The following C2orf92 variants were observed in gnomAD, a reference collection of about 807,000 sequenced individuals.
C2orf92 encodes the protein chromosome 2 open reading frame 92.
chr2:97,701,474 T>C (rs999057143), intron 7 of C2orf92, among the ~76,000 whole-genome samples, 170 bp downstream of exon 7: 5 of 152,154 alleles, frequency 3.3e-5, no homozygotes, highest in Non-Finnish European at 7.4e-5. Context: ...ACCTGGGCCA[T>C]GGGTTTTCGG....
At chr2:97,690,695 T>G (rs1676103982) in intron 5 of C2orf92, among the ~76,000 whole-genome samples, 1 of 148,786 alleles carries the variant, frequency 6.7e-6, no homozygotes, top group Admixed American at 6.7e-5. Context: ...CTTTTCCTTT[T>G]ACCTGACCTG....
chr2:97,700,129 C>T (rs1172827554), intron 6 of C2orf92, among the ~76,000 whole-genome samples: 1 of 152,194 alleles, frequency 6.6e-6, no homozygotes, highest in South Asian at 2.1e-4. Context: ...ACACTAATGT[C>T]GGCTGAGATC....
chr2:97,698,985 G>A, intron 5 of C2orf92, 41 bp from the exon 6 acceptor site: 1 of 398,146 alleles, frequency 2.5e-6, no homozygotes, highest in Non-Finnish European at 4.4e-6. Context: ...CTAATCACAT[G>A]CCATGGTTGT....
At chr2:97,673,398 C>T (rs1192993671) in intron 1 of C2orf92, among the ~76,000 whole-genome samples, 1 of 152,154 alleles carries the variant, frequency 6.6e-6, no homozygotes, top group Non-Finnish European at 1.5e-5. Flanking sequence ...ATGCTTGTAG[C>T]TCATGAGCTA....
At chr2:97,685,249 T>C (rs542262074) in intron 3 of C2orf92, among the ~76,000 whole-genome samples, 11 of 150,242 alleles carry the variant, frequency 7.3e-5, no homozygotes, top group Admixed American at 4.6e-4. Flanking sequence ...ATTTTGGTTT[T>C]TTTCTTTCTT....
At chr2:97,665,388 C>G (rs1188912631), upstream of C2orf92, among the ~76,000 whole-genome samples, 1 of 152,020 alleles carries the variant, frequency 6.6e-6, no homozygotes, top group Non-Finnish European at 1.5e-5. Flanking sequence ...AAAAGGGGTC[C>G]CGATCCAGAC....
At position 97,673,012 on chromosome 2, in the gene C2orf92, A is replaced by C. The variant is rs529056690; in HGVS notation, c.47-1444A>C. On this transcript the variant is annotated intron_variant, in intron 1 of 7. Coordinates refer to ENST00000627399, the MANE Select transcript of C2orf92 (RefSeq NM_001351368.2). ...AAACCTGAGAACTTAAAAGGGAAGG[A>C]GAACTTAATATATTTCAAAAATGTA... Among the ~76,000 whole-genome samples the C allele has an allele frequency of 7.9e-5, 12 of 152,356 alleles. 1 individual carries two copies. The South Asian group carries it at 2.5e-3, about 32-fold the overall frequency.
At chr2:97,672,628 C>T (rs1180972844) in intron 1 of C2orf92, among the ~76,000 whole-genome samples, 2 of 151,674 alleles carry the variant, frequency 1.3e-5, no homozygotes, top group Non-Finnish European at 2.9e-5. Flanking sequence ...GCTCCCATCA[C>T]CCCTCAAGAG....
At chr2:97,681,106 C>CA (rs58856044) in intron 3 of C2orf92, among the ~76,000 whole-genome samples, 1,868 of 11,890 alleles carry the variant, frequency 0.16, 589 homozygotes, top group African/African-American at 0.25. Flanking sequence ...GACTCCATCT[C>CA]AAAAAAAAAA....
rs543236292 is a variant in C2orf92 at position 97,678,980 on chromosome 2, GAA to G, written c.232+3066_232+3067del. Among the ~76,000 whole-genome samples the G allele has an allele frequency of 5.6e-5, 7 of 124,902 alleles. No individual in the cohort carries two copies. In the East Asian group the frequency reaches 6.6e-4, roughly 12 times the overall value. The allele number at this position is 124,902 out of a possible 152,430, so 81.9% of individuals were successfully genotyped here. A position where few individuals can be genotyped will look rare whatever the true frequency, so the allele number is the denominator to read the frequency against. On this transcript the variant is annotated intron_variant, in intron 3 of 7. Coordinates refer to ENST00000627399, the MANE Select transcript of C2orf92 (RefSeq NM_001351368.2). Reference sequence around the variant, plus strand: ...GTGATGGGAGTGAGATCCTTTCTTGGAAAAAAAAAAAAAAAGTAAAAAGGAAA... The same window carrying G: ...GTGATGGGAGTGAGATCCTTTCTTGGAAAAAAAAAAAAAGTAAAAAGGAAA...
intron 6 of C2orf92, among the ~76,000 whole-genome samples, chr2:97,699,431 A>T (rs1407510248): frequency 6.6e-6 from 1 of 152,140 alleles, no homozygotes; most frequent in Non-Finnish European, 1.5e-5. Context: ...CCCCGTCTCT[A>T]CTAAAAATAC....
intron 5 of C2orf92, among the ~76,000 whole-genome samples, chr2:97,692,268 AAG>A (rs1389357393): frequency 6.6e-6 from 1 of 152,108 alleles, no homozygotes; most frequent in African/African-American, 2.4e-5. Flanking sequence ...TTGCTATTGT[AAG>A]AGAGGGGGTT....
At chr2:97,666,718 C>A (rs914122347), upstream of C2orf92, among the ~76,000 whole-genome samples, 2 of 151,638 alleles carry the variant, frequency 1.3e-5, no homozygotes, top group African/African-American at 4.9e-5. Flanking sequence ...TGTTGTGCGC[C>A]TGTAGTGCCA....
intron 3 of C2orf92, among the ~76,000 whole-genome samples, chr2:97,676,900 C>T (rs898694867): frequency 6.6e-6 from 1 of 152,198 alleles, no homozygotes; most frequent in Non-Finnish European, 1.5e-5. Flanking sequence ...TCATCTACCC[C>T]AAGCCTCTAA....
upstream of C2orf92, among the ~76,000 whole-genome samples, chr2:97,666,413 T>C (rs926808287): frequency 6.6e-6 from 1 of 151,454 alleles, no homozygotes; most frequent in Non-Finnish European, 1.5e-5. Context: ...GGCATGCGTC[T>C]GTTGTCCCAG....
At chr2:97,682,609 C>T (rs751563139) in intron 3 of C2orf92, among the ~76,000 whole-genome samples, 2 of 152,046 alleles carry the variant, frequency 1.3e-5, no homozygotes, top group Non-Finnish European at 2.9e-5. Context: ...AAGGACTATA[C>T]ACCAGACCAA....
chr2:97,697,074 A>G (rs1676329445), intron 5 of C2orf92, among the ~76,000 whole-genome samples: 1 of 152,226 alleles, frequency 6.6e-6, no homozygotes, highest in South Asian at 2.1e-4. Flanking sequence ...CAAGCCCAGC[A>G]CATGCTTGAT....
At chr2:97,674,826 G>A (rs1200580387) in intron 2 of C2orf92, among the ~76,000 whole-genome samples, 1 of 152,204 alleles carries the variant, frequency 6.6e-6, no homozygotes, top group Non-Finnish European at 1.5e-5. Flanking sequence ...CACTCTGGAG[G>A]CTGTGCAGAG....
At chr2:97,665,733 CTCTCTATATATATATATATATATA>C (rs1559293248), upstream of C2orf92, 1 of 19,804 alleles carries the variant, frequency 5.0e-5, no homozygotes, top group Admixed American at 6.2e-4. Context: ...CTCTCTCTCT[CTCTCTATATATATATATATATATA>C]TATATATATA....
Sources: allele counts gnomAD v4.1 joint callset (sites outside exome capture counted in the v4.1 genomes callset), GRCh38; gene constraint gnomAD v4.1.1; transcripts MANE v1.5; gene names NCBI Gene and HGNC (gene_info 2026-07-23, HGNC 2026-07-21).